Variants in AKT3 observed in about 807,000 individuals in gnomAD.
AKT3 encodes the protein RAC-gamma serine/threonine-protein kinase.
In AKT3, 15 loss-of-function variants were observed where a neutral mutation model predicts 65.3. The observed-to-expected ratio is 0.23, with a 90% CI of 0.15 to 0.35. The LOEUF (loss-of-function observed/expected upper bound fraction) is 0.35. Among genes scored for constraint, AKT3 ranks in the 10% least tolerant of loss-of-function variants. The pLI, the probability that AKT3 is intolerant of heterozygous loss-of-function variation, is 1.00. For missense variants in AKT3, 243 were observed against 576.5 expected (o/e 0.42, Z 5.92); for synonymous variants, 206 against 183.8 (o/e 1.12, Z -0.98).
intron 6 of AKT3, among the ~76,000 whole-genome samples, chr1:243,620,410 G>T (rs1355350162): frequency 2.4e-5 from 1 of 40,948 alleles, no homozygotes; most frequent in Non-Finnish European, 1.4e-4. Flanking sequence ...GTTTTGATTT[G>T]CATTTCCCTG....
At chr1:243,755,509 A>G (rs1689079640) in intron 2 of AKT3, among the ~76,000 whole-genome samples, 1 of 152,158 alleles carries the variant, frequency 6.6e-6, no homozygotes. Context: ...CTACTAGTAT[A>G]CTGATAGATT....
intron 12 of AKT3, among the ~76,000 whole-genome samples, chr1:243,541,521 C>T (rs1473737271): frequency 2.0e-5 from 3 of 151,884 alleles, no homozygotes; most frequent in South Asian, 2.1e-4. Context: ...TGAAATCAGT[C>T]GCGTCCTCAA....
At chr1:243,587,581 A>G (rs1225485512) in intron 8 of AKT3, among the ~76,000 whole-genome samples, 1 of 152,196 alleles carries the variant, frequency 6.6e-6, no homozygotes, top group Non-Finnish European at 1.5e-5. Context: ...ACTGCACTCC[A>G]GCCCAGGTGA....
At position 243,798,133 on chromosome 1, in the gene AKT3, CGGCCTCCCAAAGTGCTGGGATTACA is replaced by C. The variant is rs577651395; in HGVS notation, c.46+44967_46+44991del. Reference sequence around the variant, plus strand: ...TCCTGACCTCGTGATCCGCCTGCCTCGGCCTCCCAAAGTGCTGGGATTACAGGCCTCCCAAAGTGCTGGGATTACA... The same window carrying C: ...TCCTGACCTCGTGATCCGCCTGCCTCGGCCTCCCAAAGTGCTGGGATTACA... On this transcript the variant is annotated intron_variant, in intron 2 of 13. Coordinates refer to ENST00000673466, the MANE Select transcript of AKT3 (RefSeq NM_005465.7). Among the ~76,000 whole-genome samples, 978 of 150,604 alleles carry C rather than the reference CGGCCTCCCAAAGTGCTGGGATTACA, an allele frequency of 6.5e-3. 8 individuals carry two copies. Among genetic ancestry groups the C allele is most frequent in the African/African-American group, 0.023 (925 of 40,866 alleles).
intron 4 of AKT3, among the ~76,000 whole-genome samples, chr1:243,646,449 G>A (rs559967566): frequency 6.6e-6 from 1 of 152,106 alleles, no homozygotes; most frequent in Admixed American, 6.5e-5. Context: ...CCACCTCGTG[G>A]GTTCAAGTGA....
chr1:243,549,888 A>G (rs1672926653), intron 11 of AKT3, among the ~76,000 whole-genome samples: 1 of 152,192 alleles, frequency 6.6e-6, no homozygotes, highest in South Asian at 2.1e-4. Context: ...TGAAGATTAA[A>G]TATTTTCTAA....
At chr1:243,847,114 G>A (rs937164447) in intron 1 of AKT3, among the ~76,000 whole-genome samples, 1 of 152,142 alleles carries the variant, frequency 6.6e-6, no homozygotes, top group Non-Finnish European at 1.5e-5. Context: ...TGATGCACAT[G>A]CTGAAACCTG....
intron 2 of AKT3, among the ~76,000 whole-genome samples, chr1:243,837,774 G>T (rs908498297): frequency 5.3e-5 from 8 of 152,160 alleles, no homozygotes; most frequent in African/African-American, 1.9e-4. Flanking sequence ...AAAAGGAACA[G>T]CTAATGTGAT....
intron 2 of AKT3, among the ~76,000 whole-genome samples, chr1:243,833,026 G>A (rs976065172): frequency 1.3e-5 from 2 of 152,080 alleles, no homozygotes; most frequent in African/African-American, 2.4e-5. Context: ...TTGGGAGGCT[G>A]AGATGGCTGG....
chr1:243,669,652 A>G (rs1461954602), intron 3 of AKT3, among the ~76,000 whole-genome samples: 2 of 152,238 alleles, frequency 1.3e-5, no homozygotes, highest in East Asian at 1.9e-4. Flanking sequence ...TTTAAATGCT[A>G]TAATTTAAAG....
intron 9 of AKT3, among the ~76,000 whole-genome samples, chr1:243,564,225 T>C (rs1030249702): frequency 6.6e-6 from 1 of 152,184 alleles, no homozygotes; most frequent in African/African-American, 2.4e-5. Context: ...TCTAGATATA[T>C]ACAGATGGTT....
At chr1:243,664,084 T>C (rs1043942207) in intron 4 of AKT3, among the ~76,000 whole-genome samples, 14 of 152,176 alleles carry the variant, frequency 9.2e-5, no homozygotes, top group African/African-American at 2.9e-4. Flanking sequence ...TAGAATGGCA[T>C]GTTACTTGAA....
chr1:243,652,771 C>CAAAAAAAAAA (rs371580711), intron 4 of AKT3, among the ~76,000 whole-genome samples: 34 of 31,296 alleles, frequency 1.1e-3, no homozygotes, highest in African/African-American at 2.8e-3. Context: ...AAATAGAAAG[C>CAAAAAAAAAA]AAAAAAAAAA....
chr1:243,559,193 G>T (rs867404431), intron 10 of AKT3, among the ~76,000 whole-genome samples: 1 of 151,956 alleles, frequency 6.6e-6, no homozygotes, highest in African/African-American at 2.4e-5. Flanking sequence ...TATTTCCTTC[G>T]AATGTACAAA....
chr1:243,828,629 TTTC>T (rs1365657799), intron 2 of AKT3, among the ~76,000 whole-genome samples: 3 of 152,152 alleles, frequency 2.0e-5, no homozygotes, highest in African/African-American at 2.4e-5. Flanking sequence ...AATAATACAT[TTTC>T]TTAATAACAT....
Position 243,795,451 on chromosome 1 carries a change from T to G in AKT3, c.46+47674A>C, listed in dbSNP as rs543361754. ...CGTAGGTTTCCCTTGATCTCCTTGTTTTTTTTTTTTGTTTTTTTTTTTTGG... is the reference window on the plus strand; with the variant it reads ...CGTAGGTTTCCCTTGATCTCCTTGTGTTTTTTTTTTGTTTTTTTTTTTTGG... On this transcript the variant is annotated intron_variant, in intron 2 of 13. Transcript: ENST00000673466. Among the ~76,000 whole-genome samples, 12 of 128,830 alleles carry G rather than the reference T, an allele frequency of 9.3e-5. No homozygotes were observed. The South Asian group carries it at 2.5e-3, about 27-fold the overall frequency. The allele number at this position is 128,830 out of a possible 152,430, so 84.5% of individuals were successfully genotyped here.
intron 9 of AKT3, among the ~76,000 whole-genome samples, chr1:243,567,471 TTTTG>T (rs1040323169): frequency 2.7e-5 from 4 of 150,564 alleles, no homozygotes; most frequent in Admixed American, 2.6e-4. Flanking sequence ...CCCTGCTAGT[TTTTG>T]TTTGTTTCTT....
chr1:243,659,617 T>G (rs1412487469), intron 4 of AKT3, among the ~76,000 whole-genome samples: 1 of 152,186 alleles, frequency 6.6e-6, no homozygotes, highest in East Asian at 1.9e-4. Context: ...TGTATATGTG[T>G]TATCCACAAT....
chr1:243,720,292 C>T (rs1350955605), intron 2 of AKT3, among the ~76,000 whole-genome samples: 4 of 151,358 alleles, frequency 2.6e-5, no homozygotes, highest in South Asian at 2.1e-4. Context: ...GAACAAAACT[C>T]AAACTCAAAA....
Sources: allele counts gnomAD v4.1 joint callset (sites outside exome capture counted in the v4.1 genomes callset), GRCh38; gene constraint gnomAD v4.1.1; transcripts MANE v1.5; gene names NCBI Gene and HGNC (gene_info 2026-07-23, HGNC 2026-07-21).